Variants in TCF7L2 observed in about 807,000 individuals in gnomAD.
TCF7L2 encodes the protein transcription factor 7 like 2, also known as transcription factor 7-like 2.
TCF7L2 carries 23 observed loss-of-function variants against 77.9 expected under a neutral mutation model. That is an observed-to-expected ratio of 0.30 (90% confidence interval 0.21 to 0.42). TCF7L2 has a LOEUF of 0.42. TCF7L2 is among the 10% of genes least tolerant of loss of function. TCF7L2 has a pLI of 1.00. For missense variants in TCF7L2, 654 were observed against 793.1 expected, an observed-to-expected ratio of 0.82 and a Z score of 2.11; for synonymous variants, 413 against 340.2, an observed-to-expected ratio of 1.21 and a Z score of -2.36.
intron 5 of TCF7L2, among the ~76,000 whole-genome samples, chr10:113,085,906 T>C (rs1464822946): frequency 6.6e-6 from 1 of 152,220 alleles, no homozygotes; most frequent in Non-Finnish European, 1.5e-5. Context: ...CTGGATCTGG[T>C]GCATTATGGA....
At chr10:113,065,638 C>CCT (rs2057148622) in intron 5 of TCF7L2, among the ~76,000 whole-genome samples, 2 of 152,124 alleles carry the variant, frequency 1.3e-5, no homozygotes, top group African/African-American at 4.8e-5. Flanking sequence ...GTGGTTAGGA[C>CCT]CTCTGGCTTT....
intron 3 of TCF7L2, among the ~76,000 whole-genome samples, chr10:112,962,651 T>C (rs1480026088): frequency 6.6e-6 from 1 of 152,178 alleles, no homozygotes; most frequent in Non-Finnish European, 1.5e-5. Context: ...TAGGCTGGAG[T>C]GCAGCGATAA....
chr10:113,142,721 C>T (rs142353875), intron 6 of TCF7L2, among the ~76,000 whole-genome samples: 111 of 152,348 alleles, frequency 7.3e-4, no homozygotes, highest in Non-Finnish European at 1.4e-3. Context: ...CAGCCGGCCC[C>T]AGGCTCCACC....
Position 113,014,558 on chromosome 10 carries a change from C to A in TCF7L2, c.451-25467C>A, listed in dbSNP as rs150273630. Among the ~76,000 whole-genome samples, 4 of 151,962 alleles carry A rather than the reference C, an allele frequency of 2.6e-5. No homozygotes were observed. The East Asian group carries it at 7.8e-4, about 30-fold the overall frequency. Reference sequence around the variant, plus strand: ...CTGTAATCCCAGCACTTTGGGAGGCCGAGGGGGCGCGGATCACCTGAGGTC... The same window carrying A: ...CTGTAATCCCAGCACTTTGGGAGGCAGAGGGGGCGCGGATCACCTGAGGTC... On this transcript the variant is annotated intron_variant, in intron 4 of 13. Coordinates refer to ENST00000627217, the MANE Select transcript of TCF7L2 (RefSeq NM_001146274.2).
chr10:113,077,583 C>T (rs916117821), intron 5 of TCF7L2, among the ~76,000 whole-genome samples: 2 of 152,146 alleles, frequency 1.3e-5, no homozygotes, highest in African/African-American at 4.8e-5. Context: ...TAGATATATA[C>T]ATGAAGTCAT....
At chr10:113,010,226 G>A (rs1262277209) in intron 4 of TCF7L2, among the ~76,000 whole-genome samples, 3 of 152,100 alleles carry the variant, frequency 2.0e-5, no homozygotes, top group Non-Finnish European at 4.4e-5. Context: ...TGTGGAAAAG[G>A]TTATATGTCT....
At chr10:112,965,155 C>G (rs2036445626) in intron 4 of TCF7L2, among the ~76,000 whole-genome samples, 1 of 152,120 alleles carries the variant, frequency 6.6e-6, no homozygotes, top group African/African-American at 2.4e-5. Flanking sequence ...CCTGATCATC[C>G]TGAAATGTTG....
At chr10:113,132,865 G>A (rs2066816738) in intron 5 of TCF7L2, 1 of 152,162 alleles carries the variant, frequency 6.6e-6, no homozygotes, top group African/African-American at 2.4e-5. Flanking sequence ...CCTGGCAGAG[G>A]ATTAGGACAG....
rs538233541 is a variant in TCF7L2, at chr10:112,961,910, T to A, written c.382-2646T>A. 3.7e-3 allele frequency among the ~76,000 whole-genome samples: 553 copies of A among 148,470 alleles called. 1 individual carries two copies. The highest frequency in any genetic ancestry group is 0.011 in the African/African-American group (419 of 39,786). On this transcript the variant is annotated intron_variant, in intron 3 of 13. Coordinates refer to ENST00000627217, the MANE Select transcript of TCF7L2 (RefSeq NM_001146274.2). ...GTGCGTGTATGTGTGTGTGTGTGTG[T>A]GAGAGAGAGAGAGAGAAGGTAAAAT...
intron 4 of TCF7L2, among the ~76,000 whole-genome samples, chr10:112,974,345 A>G (rs1372407030): frequency 2.0e-5 from 3 of 152,258 alleles, no homozygotes; most frequent in Non-Finnish European, 2.9e-5. Context: ...CCAGAAAGAA[A>G]AAAACAACTG....
At chr10:112,967,439 G>T (rs2037207883) in intron 4 of TCF7L2, among the ~76,000 whole-genome samples, 1 of 152,030 alleles carries the variant, frequency 6.6e-6, no homozygotes. Flanking sequence ...CTGTTTATAT[G>T]AATGGCCTTG....
chr10:112,977,319 GT>G (rs2039607152), intron 4 of TCF7L2, among the ~76,000 whole-genome samples: 3 of 152,226 alleles, frequency 2.0e-5, no homozygotes, highest in Non-Finnish European at 2.9e-5. Flanking sequence ...AGGCTGCCCT[GT>G]AGGGAAGAAG....
intron 5 of TCF7L2, among the ~76,000 whole-genome samples, chr10:113,082,879 A>G (rs1017223659): frequency 2.0e-5 from 3 of 151,952 alleles, no homozygotes; most frequent in Non-Finnish European, 4.4e-5. Flanking sequence ...GAGCCCCAGA[A>G]ATTCAGAGAG....
chr10:113,165,973 C>T lies in TCF7L2; in HGVS notation c.*1C>T, dbSNP rs2074022713. On this transcript the variant is annotated 3_prime_UTR_variant, in exon 14 of 14. Transcript: ENST00000627217. ...GCTCGTCACCAAGTCTTTAGAATAG[C>T]TTTAGCGTCGTGAACCCCGCTGCTT... 1.3e-6 allele frequency: 2 copies of T among 1,504,276 alleles called. No individual in the cohort carries two copies. Among genetic ancestry groups the T allele is most frequent in the African/African-American group, 1.4e-5 (1 of 71,426 alleles). The allele number at this position is 1,504,276 out of a possible 1,614,324, so 93.2% of individuals were successfully genotyped here. A position where few individuals can be genotyped will look rare whatever the true frequency, so the allele number is the denominator to read the frequency against.
chr10:113,144,347 G>A (rs1399751419), intron 7 of TCF7L2, among the ~76,000 whole-genome samples: 1 of 152,104 alleles, frequency 6.6e-6, no homozygotes, highest in Non-Finnish European at 1.5e-5. Context: ...GAAGACTACT[G>A]GAACTTCCAC....
intron 3 of TCF7L2, among the ~76,000 whole-genome samples, chr10:112,959,722 C>T (rs2034572178): frequency 1.3e-5 from 2 of 152,054 alleles, no homozygotes; most frequent in Admixed American, 1.3e-4. Flanking sequence ...AAGTCTTGGT[C>T]AAAAGTTTAT....
At chr10:112,981,882 G>T (rs1052995046) in intron 4 of TCF7L2, among the ~76,000 whole-genome samples, 2 of 152,124 alleles carry the variant, frequency 1.3e-5, no homozygotes, top group African/African-American at 2.4e-5. Flanking sequence ...ACTCCTGGTC[G>T]GTGGAAGTCT....
At chr10:113,073,100 G>A (rs12242719) in intron 5 of TCF7L2, among the ~76,000 whole-genome samples, 8 of 6,402 alleles carry the variant, frequency 1.2e-3, no homozygotes, top group African/African-American at 2.0e-3. Flanking sequence ...GGGCCAGGTC[G>A]TGTGTGTGTG....
At chr10:112,993,015 G>A (rs998347528) in intron 4 of TCF7L2, among the ~76,000 whole-genome samples, 6 of 151,658 alleles carry the variant, frequency 4.0e-5, no homozygotes, top group African/African-American at 7.3e-5. Context: ...CACCCGCCTC[G>A]GCCTCCGAAA....
Sources: allele counts gnomAD v4.1 joint callset (sites outside exome capture counted in the v4.1 genomes callset), GRCh38; gene constraint gnomAD v4.1.1; transcripts MANE v1.5; gene names NCBI Gene and HGNC (gene_info 2026-07-23, HGNC 2026-07-21).